The following CFTR variants were observed in gnomAD, a reference collection of about 807,000 sequenced individuals.
CFTR encodes the protein cystic fibrosis transmembrane conductance regulator.
A neutral mutation model predicts 171.6 loss-of-function variants in CFTR; 181 were observed. The ratio of observed to expected loss-of-function variants is 1.05; its 90% CI spans 0.93 to 1.19. The LOEUF (loss-of-function observed/expected upper bound fraction) is 1.19, where lower values mean the gene tolerates loss of function less well. Ranked by LOEUF, CFTR falls within the 50% of genes most tolerant of loss-of-function variation. The pLI, the probability that CFTR is intolerant of heterozygous loss-of-function variation, is 0.00. For synonymous variants in CFTR, 583 were observed against 608.0 expected (o/e 0.96, Z 0.60); for missense variants, 1,968 against 1,734.7 (o/e 1.13, Z -2.39).
At chr7:117,489,690 A>G (rs887588018) in intron 1 of CFTR, among the ~76,000 whole-genome samples, 1 of 151,852 alleles carries the variant, frequency 6.6e-6, no homozygotes, top group African/African-American at 2.4e-5. Flanking sequence ...AAATATGTGC[A>G]AGGAGATGTC....
intron 26 of CFTR, among the ~76,000 whole-genome samples, chr7:117,666,602 C>T (rs879513243): frequency 6.6e-6 from 1 of 152,124 alleles, no homozygotes; most frequent in African/African-American, 2.4e-5. Context: ...GACTTACGCT[C>T]ATTTTCTAGG....
chr7:117,504,292 C>A lies in CFTR; in HGVS notation c.93C>A (p.Arg31=), dbSNP rs766315026. ...RPILRKGYRQ[R]LELSDIYQIP... is the part of the protein sequence containing the mutation. ...TTTTGAGGAAAGGATACAGACAGCG[C>A]CTGGAATTGTCAGACATATACCAAA... The change falls in exon 2 of 27, where the codon CGC becomes CGA. Residue 31 remains arginine (R), a synonymous_variant. Coordinates refer to ENST00000003084, the MANE Select transcript of CFTR (RefSeq NM_000492.4). 3 of 1,612,764 alleles carry A rather than the reference C, an allele frequency of 1.9e-6. No individual in the cohort carries two copies. The Admixed American group carries it at 5.0e-5, about 27-fold the overall frequency.
intron 20 of CFTR, 113 bp from the exon 21 acceptor site, chr7:117,614,500 A>C (rs924582726): frequency 1.3e-6 from 1 of 761,582 alleles, no homozygotes; most frequent in African/African-American, 1.7e-5. Flanking sequence ...AAATTAGCAT[A>C]AAATTGAAAT....
chr7:117,659,872 A>G (rs1419051101), intron 24 of CFTR, among the ~76,000 whole-genome samples: 2 of 152,202 alleles, frequency 1.3e-5, no homozygotes, highest in Non-Finnish European at 2.9e-5. Context: ...CTATTTTTAT[A>G]ACTGCCACTT....
At chr7:117,641,460 T>C (rs896081943) in intron 22 of CFTR, among the ~76,000 whole-genome samples, 1 of 152,188 alleles carries the variant, frequency 6.6e-6, no homozygotes, top group Non-Finnish European at 1.5e-5. Flanking sequence ...AAAAGCATTA[T>C]ACTAAAAGAC....
chr7:117,540,190 A>G lies in CFTR; in HGVS notation c.960A>G (p.Leu320=), dbSNP rs56093012. Residue 320 remains leucine, a synonymous_variant, in exon 8 of 27, where the codon TTA becomes TTG. Transcript: ENST00000003084. Reference sequence around the variant, plus strand: ...TCTCAGGGTTCTTTGTGGTGTTTTTATCTGTGCTTCCCTATGCACTAATCA... The same window carrying G: ...TCTCAGGGTTCTTTGTGGTGTTTTTGTCTGTGCTTCCCTATGCACTAATCA... The part of the protein sequence containing the change: ...FFFSGFFVVF[L]SVLPYALIKG... 9.9e-6 allele frequency: 16 copies of G among 1,614,036 alleles called. No individual in the cohort carries two copies. The highest frequency in any genetic ancestry group is 1.4e-5 in the Non-Finnish European group (16 of 1,179,974).
intron 21 of CFTR, among the ~76,000 whole-genome samples, chr7:117,621,833 G>C (rs1287694596): frequency 6.6e-6 from 1 of 152,186 alleles, no homozygotes; most frequent in Non-Finnish European, 1.5e-5. Flanking sequence ...TAATAGATTT[G>C]ATGAGTGATG....
At chr7:117,644,880 A>G (rs1276471003) in intron 23 of CFTR, among the ~76,000 whole-genome samples, 2 of 152,170 alleles carry the variant, frequency 1.3e-5, no homozygotes, top group Non-Finnish European at 2.9e-5. Context: ...TGAGAGCCCC[A>G]TTGGTTTAGG....
At chr7:117,524,318 T>A (rs542460955) in intron 3 of CFTR, among the ~76,000 whole-genome samples, 1 of 150,282 alleles carries the variant, frequency 6.7e-6, no homozygotes, top group Non-Finnish European at 1.5e-5. Context: ...CTAACATAGA[T>A]AGCACATGTA....
chr7:117,480,586 T>C (rs1407806945), intron 1 of CFTR, among the ~76,000 whole-genome samples: 1 of 152,180 alleles, frequency 6.6e-6, no homozygotes, highest in Non-Finnish European at 1.5e-5. Flanking sequence ...TTGACTGAAT[T>C]CAGCCAACAA....
intron 17 of CFTR, among the ~76,000 whole-genome samples, chr7:117,604,105 G>A (rs1484248449): frequency 6.6e-6 from 1 of 152,094 alleles, no homozygotes; most frequent in East Asian, 1.9e-4. Flanking sequence ...TGGGCATCTT[G>A]TTGCCAATAT....
chr7:117,615,349 A>C (rs543670896), intron 21 of CFTR, among the ~76,000 whole-genome samples: 2 of 152,070 alleles, frequency 1.3e-5, no homozygotes, highest in African/African-American at 4.8e-5. Context: ...GAGTCTTTTG[A>C]TGAAAAGAAG....
intron 23 of CFTR, among the ~76,000 whole-genome samples, chr7:117,645,164 G>A (rs1403459288): frequency 2.6e-5 from 4 of 152,100 alleles, no homozygotes; most frequent in African/African-American, 9.7e-5. Context: ...ACAAGTGTTT[G>A]TAGATTTGAA....
chr7:117,486,073 A>T (rs1379388820), intron 1 of CFTR, among the ~76,000 whole-genome samples: 2 of 152,140 alleles, frequency 1.3e-5, no homozygotes, highest in Non-Finnish European at 2.9e-5. Context: ...ATTCCATCGA[A>T]GTTTTCTTGT....
chr7:117,653,917 G>GT (rs1793125802), intron 24 of CFTR, among the ~76,000 whole-genome samples: 1 of 152,116 alleles, frequency 6.6e-6, no homozygotes, highest in Non-Finnish European at 1.5e-5. Context: ...AAATAAAATG[G>GT]TGAAACAGGC....
chr7:117,609,483 A>T (rs1339182761), intron 18 of CFTR, among the ~76,000 whole-genome samples: 1 of 152,164 alleles, frequency 6.6e-6, no homozygotes, highest in Non-Finnish European at 1.5e-5. Flanking sequence ...TTTATACTTT[A>T]TTCAAATGGA....
Position 117,606,716 on chromosome 7 carries a change from A to T in CFTR, c.2951A>T (p.Asp984Val). ...TTCTCCAAAGATATAGCAATTTTGG[A>T]TGACCTTCTGCCTCTTACCATATTT... ...NRFSKDIAIL[D>V]DLLPLTIFDF... Residue 984 changes from aspartate to valine, a missense_variant, in exon 18 of 27, where the codon GAT becomes GTT. Transcript: ENST00000003084. 6.3e-7 allele frequency: 1 copy of T among 1,594,572 alleles called. No homozygotes were observed. The highest frequency in any genetic ancestry group is 8.6e-7 in the Non-Finnish European group (1 of 1,162,504).
At chr7:117,650,645 T>C (rs1793075272) in intron 23 of CFTR, among the ~76,000 whole-genome samples, 1 of 151,922 alleles carries the variant, frequency 6.6e-6, no homozygotes, top group African/African-American at 2.4e-5. Flanking sequence ...TGTGCTTCCA[T>C]TGGATGTGTG....
At chr7:117,481,299 A>T (rs1326749445) in intron 1 of CFTR, among the ~76,000 whole-genome samples, 3 of 152,216 alleles carry the variant, frequency 2.0e-5, no homozygotes, top group Non-Finnish European at 4.4e-5. Flanking sequence ...CTCCACCTAT[A>T]AAATCGGCTT....
Sources: allele counts gnomAD v4.1 joint callset (sites outside exome capture counted in the v4.1 genomes callset), GRCh38; gene constraint gnomAD v4.1.1; transcripts MANE v1.5; gene names NCBI Gene and HGNC (gene_info 2026-07-23, HGNC 2026-07-21).